The following PIK3CB variants were observed in gnomAD, a reference collection of about 807,000 sequenced individuals.
PIK3CB encodes phosphatidylinositol-4,5-bisphosphate 3-kinase catalytic subunit beta.
Under a neutral mutation model 136.8 loss-of-function variants are expected in PIK3CB, and 39 were observed. That is an observed-to-expected ratio of 0.29 (90% confidence interval 0.22 to 0.37). The LOEUF (loss-of-function observed/expected upper bound fraction) is 0.37, where lower values mean the gene tolerates loss of function less well. Among genes scored for constraint, PIK3CB ranks in the 10% least tolerant of loss-of-function variants. The pLI is 1.00. For missense variants in PIK3CB, 868 were observed against 1,275.4 expected, an observed-to-expected ratio of 0.68 and a Z score of 4.87; for synonymous variants, 428 against 436.6, an observed-to-expected ratio of 0.98 and a Z score of 0.25.
At chr3:138,815,986 A>C (rs1009831620) in intron 1 of PIK3CB, among the ~76,000 whole-genome samples, 1 of 152,214 alleles carries the variant, frequency 6.6e-6, no homozygotes, top group Admixed American at 6.5e-5. Flanking sequence ...ATCTTTTTAC[A>C]TATTTGAATA....
At chr3:138,739,408 A>G (rs2045188405) in intron 5 of PIK3CB, among the ~76,000 whole-genome samples, 1 of 151,832 alleles carries the variant, frequency 6.6e-6, no homozygotes, top group South Asian at 2.1e-4. Context: ...GTGTCACTGC[A>G]CTCCAGCCTG....
intron 11 of PIK3CB, among the ~76,000 whole-genome samples, chr3:138,706,185 C>G (rs1053810959): frequency 6.6e-6 from 1 of 152,184 alleles, no homozygotes; most frequent in Non-Finnish European, 1.5e-5. Flanking sequence ...ATTTGAGGCT[C>G]AATAATTGTG....
At chr3:138,746,534 A>T (rs2045357894) in intron 4 of PIK3CB, among the ~76,000 whole-genome samples, 1 of 151,130 alleles carries the variant, frequency 6.6e-6, no homozygotes, top group South Asian at 2.1e-4. Flanking sequence ...GGTGGCGGGG[A>T]CCTGTAGTCC....
At chr3:138,789,329 G>C (rs1050397643) in intron 2 of PIK3CB, among the ~76,000 whole-genome samples, 7 of 151,764 alleles carry the variant, frequency 4.6e-5, no homozygotes, top group Non-Finnish European at 8.8e-5. Context: ...TGTGGTGGTG[G>C]GCACCTGTAG....
intron 1 of PIK3CB, among the ~76,000 whole-genome samples, chr3:138,821,636 T>A (rs1378653280): frequency 6.6e-6 from 1 of 151,706 alleles, no homozygotes; most frequent in African/African-American, 2.4e-5. Flanking sequence ...AACACAAAAA[T>A]TAGCTGGGAG....
chr3:138,828,891 G>A (rs1559895003), intron 1 of PIK3CB, among the ~76,000 whole-genome samples: 1 of 151,428 alleles, frequency 6.6e-6, no homozygotes, highest in Non-Finnish European at 1.5e-5. Flanking sequence ...AGGTTCAACC[G>A]ATTCTCCTGC....
chr3:138,804,666 C>T (rs1032950506), intron 1 of PIK3CB, among the ~76,000 whole-genome samples: 9 of 152,170 alleles, frequency 5.9e-5, no homozygotes, highest in African/African-American at 1.9e-4. Flanking sequence ...AAATGCAAGA[C>T]GCAATTGCTT....
intron 8 of PIK3CB, among the ~76,000 whole-genome samples, chr3:138,722,112 G>T (rs1018204793): frequency 1.4e-5 from 2 of 144,794 alleles, no homozygotes; most frequent in Non-Finnish European, 3.0e-5. Flanking sequence ...TACCTACTAG[G>T]AATCTTGCTA....
chr3:138,814,315 T>C (rs1043699835), intron 1 of PIK3CB, among the ~76,000 whole-genome samples: 5 of 151,856 alleles, frequency 3.3e-5, no homozygotes, highest in African/African-American at 1.2e-4. Context: ...ACAACTCTAC[T>C]GAAAATACAA....
intron 19 of PIK3CB, among the ~76,000 whole-genome samples, chr3:138,667,686 C>T (rs1370786876): frequency 1.3e-5 from 2 of 150,808 alleles, no homozygotes; most frequent in Non-Finnish European, 3.0e-5. Context: ...CTCAGCCTCC[C>T]GAGTAGCTGG....
intron 8 of PIK3CB, among the ~76,000 whole-genome samples, chr3:138,725,002 C>A (rs1208690041): frequency 6.6e-6 from 1 of 151,390 alleles, no homozygotes. Flanking sequence ...GAGGAAAATA[C>A]GGGGAAGGTG....
chr3:138,662,261 C>G (rs1341994628), intron 21 of PIK3CB, among the ~76,000 whole-genome samples: 3 of 115,044 alleles, frequency 2.6e-5, no homozygotes, highest in African/African-American at 1.1e-4. Context: ...TCCCTCCCCG[C>G]TCCCCCCACC....
intron 2 of PIK3CB, among the ~76,000 whole-genome samples, chr3:138,782,267 T>C (rs1467158911): frequency 6.6e-6 from 1 of 152,252 alleles, no homozygotes; most frequent in Non-Finnish European, 1.5e-5. Flanking sequence ...GCCACAGAGC[T>C]GTGAAGACCT....
At chr3:138,777,754 T>C (rs1250049109) in intron 2 of PIK3CB, 1 of 153,586 alleles carries the variant, frequency 6.5e-6, no homozygotes, top group Non-Finnish European at 1.4e-5. Flanking sequence ...AAAAAAAAAA[T>C]TTACACTTTC....
chr3:138,721,168 T>G (rs1039618427), intron 8 of PIK3CB, among the ~76,000 whole-genome samples: 1 of 138,556 alleles, frequency 7.2e-6, no homozygotes, highest in East Asian at 2.0e-4. Context: ...TATCCTTAAG[T>G]TTTTTTTTTT....
At chr3:138,672,943 AAG>A (rs1559804256) in intron 19 of PIK3CB, among the ~76,000 whole-genome samples, 1 of 150,470 alleles carries the variant, frequency 6.6e-6, no homozygotes, top group Non-Finnish European at 1.5e-5. Context: ...GAGAGAGAGA[AAG>A]AGATGAAAAA....
In PIK3CB at chr3:138,759,212, C is replaced by T. The variant is rs1576396366; in HGVS notation, c.132G>A (p.Leu44=). ...FLLPTGIYIQ[L]EVPREATISY... ...AAATGGTAGCTTCCCGAGGTACCTC[C>T]AACTGGATATAAATCCCAGTGGGCA... The change falls in exon 3 of 24, where the codon TTG becomes TTA. Residue 44 remains leucine (L), a synonymous_variant. Coordinates refer to ENST00000674063, the MANE Select transcript of PIK3CB (RefSeq NM_006219.3). 1 of 1,611,404 alleles carries T rather than the reference C, an allele frequency of 6.2e-7. No homozygotes were observed. Among genetic ancestry groups the T allele is most frequent in the Non-Finnish European group, 8.5e-7 (1 of 1,177,972 alleles).
intron 1 of PIK3CB, among the ~76,000 whole-genome samples, chr3:138,828,031 T>C (rs1223746407): frequency 6.6e-6 from 1 of 151,652 alleles, no homozygotes; most frequent in Non-Finnish European, 1.5e-5. Flanking sequence ...GATAGAATAA[T>C]AACTCTAGGG....
chr3:138,703,041 C>A (rs950706719), intron 12 of PIK3CB, among the ~76,000 whole-genome samples: 1 of 151,978 alleles, frequency 6.6e-6, no homozygotes, highest in Non-Finnish European at 1.5e-5. Context: ...TCTCCAGAAA[C>A]CTGAATAACA....
Sources: allele counts gnomAD v4.1 joint callset (sites outside exome capture counted in the v4.1 genomes callset), GRCh38; gene constraint gnomAD v4.1.1; transcripts MANE v1.5; gene names NCBI Gene and HGNC (gene_info 2026-07-23, HGNC 2026-07-21).